CD99L2: variants seen among roughly 807,000 people sequenced by gnomAD.
CD99L2 encodes the protein CD99 antigen-like protein 2.
CD99L2 carries 24 observed loss-of-function variants against 27.3 expected under a neutral mutation model. The observed-to-expected ratio is 0.88, with a 90% CI of 0.64 to 1.24. The LOEUF (loss-of-function observed/expected upper bound fraction) is 1.24, where lower values mean the gene tolerates loss of function less well. CD99L2 is among the 50% of genes most tolerant of loss of function. The pLI is 0.00. For synonymous variants in CD99L2, 97 were observed against 87.9 expected (o/e 1.10, Z -0.58); for missense variants, 255 against 221.6 (o/e 1.15, Z -0.96).
At chrX:150,898,054 A>AACCCCCCCCCCCCCCC (rs2047641582) in intron 1 of CD99L2, among the ~76,000 whole-genome samples, 2 of 29,924 alleles carry the variant, frequency 6.7e-5, no homozygotes, top group African/African-American at 1.8e-4. Context: ...CGCCTCGCTG[A>AACCCCCCCCCCCCCCC]CCCCCCCCCC....
chrX:150,868,195 G>A (rs2047101268), intron 1 of CD99L2, among the ~76,000 whole-genome samples: 1 of 111,090 alleles, frequency 9.0e-6, no homozygotes, highest in South Asian at 3.7e-4. Context: ...ATTTCTTCAT[G>A]TTGGTAACAT....
intron 2 of CD99L2, among the ~76,000 whole-genome samples, chrX:150,824,625 G>GAGGAGAAGA (rs2046334642): frequency 1.1e-5 from 1 of 87,273 alleles, no homozygotes; most frequent in Non-Finnish European, 2.3e-5. Context: ...GGAGAAGAAG[G>GAGGAGAAGA]AGGAGAAGAA....
chrX:150,843,818 C>T (rs1190728441), intron 1 of CD99L2, among the ~76,000 whole-genome samples: 2 of 111,190 alleles, frequency 1.8e-5, no homozygotes, highest in Non-Finnish European at 3.8e-5. Context: ...ACTATCCCTA[C>T]GTTTGTCCAG....
chrX:150,878,534 A>G (rs1478557476), intron 1 of CD99L2, among the ~76,000 whole-genome samples: 1 of 88,951 alleles, frequency 1.1e-5, no homozygotes, highest in South Asian at 4.2e-4. Flanking sequence ...TAATACTACT[A>G]AAAAAAAAAA....
At chrX:150,807,809 C>G (rs1181195867) in intron 4 of CD99L2, among the ~76,000 whole-genome samples, 1 of 112,147 alleles carries the variant, frequency 8.9e-6, no homozygotes, top group Non-Finnish European at 1.9e-5. Context: ...ACATCCTGTT[C>G]TGTGACTTGC....
At chrX:150,840,897 G>T (rs1209396837) in intron 1 of CD99L2, among the ~76,000 whole-genome samples, 1 of 109,740 alleles carries the variant, frequency 9.1e-6, no homozygotes, top group Admixed American at 9.8e-5. Flanking sequence ...GGGTGATAAG[G>T]CATTAGGTAA....
At chrX:150,843,227 G>A (rs781939676) in intron 1 of CD99L2, among the ~76,000 whole-genome samples, 41 of 111,969 alleles carry the variant, frequency 3.7e-4, no homozygotes, top group African/African-American at 1.3e-3. Flanking sequence ...CTCTAAGGAT[G>A]GTTTCTATTC....
chrX:150,889,975 AC>A (rs1360287864), intron 1 of CD99L2, among the ~76,000 whole-genome samples: 1 of 108,419 alleles, frequency 9.2e-6, no homozygotes, highest in Non-Finnish European at 1.9e-5. Context: ...ACACGGTGAA[AC>A]CCCGTCTCTA....
At chrX:150,835,491 T>G (rs781987068) in intron 1 of CD99L2, among the ~76,000 whole-genome samples, 16 of 111,867 alleles carry the variant, frequency 1.4e-4, no homozygotes, top group African/African-American at 5.2e-4. Context: ...TATTGCTCTC[T>G]AGCATGGGCG....
intron 1 of CD99L2, among the ~76,000 whole-genome samples, chrX:150,844,992 G>A (rs1292223338): frequency 4.5e-5 from 5 of 112,323 alleles, no homozygotes; most frequent in African/African-American, 1.3e-4. Flanking sequence ...CTAAGCGTCC[G>A]TATGTAGCAG....
intron 1 of CD99L2, among the ~76,000 whole-genome samples, chrX:150,884,149 T>G (rs987288715): frequency 8.9e-6 from 1 of 112,288 alleles, no homozygotes. Context: ...GCCTGAAAGA[T>G]TTTAAATATA....
chrX:150,887,259 A>C (rs1044443291), intron 1 of CD99L2, among the ~76,000 whole-genome samples: 14 of 109,510 alleles, frequency 1.3e-4, no homozygotes, highest in Non-Finnish European at 2.7e-4. Flanking sequence ...CAGCCTGGCC[A>C]ATATGGTGAA....
At chrX:150,867,282 C>T (rs782662434) in intron 1 of CD99L2, among the ~76,000 whole-genome samples, 14 of 110,680 alleles carry the variant, frequency 1.3e-4, no homozygotes, top group Non-Finnish European at 1.9e-4. Flanking sequence ...TGGGGGGACA[C>T]GCCTGTAGTT....
intron 1 of CD99L2, among the ~76,000 whole-genome samples, chrX:150,892,055 A>C (rs782536184): frequency 4.6e-5 from 5 of 109,527 alleles, no homozygotes; most frequent in African/African-American, 6.7e-5. Flanking sequence ...CCCCATCTCT[A>C]CTAAAAATAC....
intron 2 of CD99L2, chrX:150,818,873 C>G (rs782515007): frequency 2.6e-6 from 1 of 377,486 alleles, no homozygotes; most frequent in African/African-American, 2.6e-5. Context: ...GCTCTGAGCA[C>G]TGGAGAGAAA....
chrX:150,819,543 AGAGAG>A (rs2046215384), intron 2 of CD99L2, among the ~76,000 whole-genome samples: 1 of 111,918 alleles, frequency 8.9e-6, no homozygotes, highest in Non-Finnish European at 1.9e-5. Flanking sequence ...ATAAAATGAA[AGAGAG>A]AAGAGAAAAA....
Position 150,769,687 on chromosome X carries a change from AG to A in CD99L2, c.722-587del, listed in dbSNP as rs782461409. Reference sequence around the variant, plus strand: ...TCCTAGTCTCCCTGCCTGCGCCACCAGGCCTCGGCTGCTCCCCGACCCCAGC... The same window carrying A: ...TCCTAGTCTCCCTGCCTGCGCCACCAGCCTCGGCTGCTCCCCGACCCCAGC... On this transcript the variant is annotated intron_variant, in intron 10 of 10. Coordinates refer to ENST00000370377, the MANE Select transcript of CD99L2 (RefSeq NM_031462.4). 3.5e-5 allele frequency among the ~76,000 whole-genome samples: 3 copies of A among 84,958 alleles called. No homozygotes were observed. In the South Asian group the frequency reaches 1.2e-3, roughly 35 times the overall value. 73.8% of individuals were successfully genotyped at this position (84,958 alleles called of 115,157 possible). A position where few individuals can be genotyped will look rare whatever the true frequency, so the allele number is the denominator to read the frequency against.
intron 10 of CD99L2, 75 bp from the exon 11 acceptor site, chrX:150,769,176 G>A (rs951587777): frequency 1.5e-4 from 157 of 1,073,615 alleles, no homozygotes; most frequent in Non-Finnish European, 1.8e-4. Flanking sequence ...CAGCAAGCCC[G>A]TGCTGGGAAC....
intron 4 of CD99L2, among the ~76,000 whole-genome samples, chrX:150,810,260 C>T (rs1557420330): frequency 8.9e-6 from 1 of 111,991 alleles, no homozygotes; most frequent in Admixed American, 9.5e-5. Context: ...AGAAAGTGTG[C>T]TCTCCAATCA....
Sources: gnomAD v4.1 joint callset for allele counts (sites outside exome capture counted in the v4.1 genomes callset) on GRCh38, gnomAD v4.1.1 for gene constraint, MANE v1.5 for transcripts, NCBI Gene and HGNC (gene_info 2026-07-23, HGNC 2026-07-21) for gene names.